NBAS: variants seen among roughly 807,000 people sequenced by gnomAD.
The protein encoded by NBAS is NBAS subunit of NRZ tethering complex, also known as NAG/BC035112 fusion.
In NBAS, 219 loss-of-function variants were observed where a neutral mutation model predicts 302.5. The ratio of observed to expected loss-of-function variants is 0.72; its 90% confidence interval spans 0.65 to 0.81. The LOEUF (loss-of-function observed/expected upper bound fraction) is 0.81. Among genes scored for constraint, NBAS ranks in the 30% least tolerant of loss-of-function variants. The pLI is 0.00. For synonymous variants in NBAS, 1,118 were observed against 1,021.6 expected, an observed-to-expected ratio of 1.09 and a Z score of -1.80; for missense variants, 2,932 against 2,841.6, an observed-to-expected ratio of 1.03 and a Z score of -0.72.
intron 51 of NBAS, among the ~76,000 whole-genome samples, chr2:15,168,221 G>C (rs1302641249): frequency 6.6e-6 from 1 of 152,154 alleles, no homozygotes; most frequent in Non-Finnish European, 1.5e-5. Context: ...AATTTGGATT[G>C]TAGGACTCTC....
intron 6 of NBAS, among the ~76,000 whole-genome samples, chr2:15,541,756 G>A (rs567753562): frequency 1.3e-5 from 2 of 149,672 alleles, no homozygotes; most frequent in Non-Finnish European, 3.0e-5. Context: ...GAGGGAGGTG[G>A]GGGGGTCAGC....
chr2:14,835,038 G>C, the NBAS span, among the ~76,000 whole-genome samples: 2 of 152,018 alleles, frequency 1.3e-5, no homozygotes, highest in Non-Finnish European at 2.9e-5. Context: ...ATCAATAGAA[G>C]TTTATTAAAC....
chr2:14,794,613 A>G, the NBAS span, among the ~76,000 whole-genome samples: 1 of 152,316 alleles, frequency 6.6e-6, no homozygotes, highest in Non-Finnish European at 1.5e-5. Flanking sequence ...GGTAAAGTTT[A>G]CATATAATAA....
At chr2:15,145,372 A>G in the NBAS span, among the ~76,000 whole-genome samples, 1,267 of 150,206 alleles carry the variant, frequency 8.4e-3, 23 homozygotes, top group African/African-American at 0.029. Flanking sequence ...TTACAGCAAA[A>G]ATGCATTGAG....
intron 25 of NBAS, among the ~76,000 whole-genome samples, chr2:15,412,958 C>T (rs1188885874): frequency 6.6e-6 from 1 of 152,212 alleles, no homozygotes; most frequent in Non-Finnish European, 1.5e-5. Context: ...ACCGTAACTC[C>T]AAGATTACAA....
the NBAS span, among the ~76,000 whole-genome samples, chr2:15,091,931 G>T: frequency 5.3e-5 from 8 of 152,214 alleles, no homozygotes; most frequent in Non-Finnish European, 1.2e-4. Flanking sequence ...CGTGTTAAAA[G>T]ACTGCTTATG....
rs570995681 is a variant in NBAS, at chr2:15,235,137, C to A, written c.5944-390G>T. On this transcript the variant is annotated intron_variant, in intron 45 of 51. Coordinates refer to ENST00000281513, the MANE Select transcript of NBAS (RefSeq NM_015909.4). ...CTTTTCTATTATTACTAACGCACTACGACCACATAATAATCTATTGAGCTA... is the reference window on the plus strand; with the variant it reads ...CTTTTCTATTATTACTAACGCACTAAGACCACATAATAATCTATTGAGCTA... Among the ~76,000 whole-genome samples the A allele has an allele frequency of 2.1e-4, 32 of 152,240 alleles. No homozygotes were observed. The Middle Eastern group carries it at 0.01, about 49-fold the overall frequency.
chr2:15,232,094 A>G (rs1667405012), intron 47 of NBAS, among the ~76,000 whole-genome samples: 1 of 152,142 alleles, frequency 6.6e-6, no homozygotes, highest in African/African-American at 2.4e-5. Flanking sequence ...CACTTAATCA[A>G]TACAGTTAAT....
intron 12 of NBAS, 22 bp from the exon 13 acceptor site, chr2:15,478,311 T>C: frequency 6.4e-7 from 1 of 1,566,794 alleles, no homozygotes; most frequent in African/African-American, 1.4e-5. Context: ...AATAATGACT[T>C]CCTGAGTGAA....
intron 11 of NBAS, among the ~76,000 whole-genome samples, chr2:15,500,890 C>T (rs1180865603): frequency 6.6e-6 from 1 of 150,676 alleles, no homozygotes; most frequent in Non-Finnish European, 1.5e-5. Flanking sequence ...CGCCACTGCA[C>T]TCCAGCCTGG....
chr2:15,010,204 A>T, the NBAS span, among the ~76,000 whole-genome samples: 3 of 152,312 alleles, frequency 2.0e-5, no homozygotes, highest in Admixed American at 6.5e-5. Flanking sequence ...TTGTCTTCTA[A>T]CACTAATTAG....
the NBAS span, among the ~76,000 whole-genome samples, chr2:14,976,383 G>A: frequency 1.2e-4 from 18 of 152,164 alleles, no homozygotes; most frequent in Non-Finnish European, 2.1e-4. Flanking sequence ...GTACGTCTTC[G>A]TCTATTAAGT....
At chr2:15,550,584 G>T (rs1573004098) in intron 6 of NBAS, among the ~76,000 whole-genome samples, 1 of 132,888 alleles carries the variant, frequency 7.5e-6, no homozygotes. Context: ...CCTTCTTTCT[G>T]TCTTTTCTTT....
At position 15,238,952 on chromosome 2, in the gene NBAS, G is replaced by A. The variant is rs1667733042; in HGVS notation, c.5725-266C>T. 3.3e-5 allele frequency among the ~76,000 whole-genome samples: 5 copies of A among 152,192 alleles called. No homozygotes were observed. The South Asian group carries it at 1.0e-3, about 32-fold the overall frequency. ...AAACTAGTATTCACACTGACTGCCA[G>A]TTACAGTGCAAAAATGAGGAGTCAT... is the stretch of plus-strand genomic sequence containing the variant. On this transcript the variant is annotated intron_variant, in intron 44 of 51. Coordinates refer to ENST00000281513, the MANE Select transcript of NBAS (RefSeq NM_015909.4).
At chr2:15,144,965 T>C in the NBAS span, among the ~76,000 whole-genome samples, 1 of 151,348 alleles carries the variant, frequency 6.6e-6, no homozygotes, top group Non-Finnish European at 1.5e-5. Flanking sequence ...TAGAGGCTAC[T>C]AGAACTACTA....
the NBAS span, among the ~76,000 whole-genome samples, chr2:15,097,702 G>A: frequency 2.0e-5 from 3 of 151,072 alleles, no homozygotes; most frequent in Admixed American, 1.3e-4. Context: ...AGGGCTCCAG[G>A]CTCATGGCCT....
chr2:14,804,842 A>C, the NBAS span, among the ~76,000 whole-genome samples: 8 of 152,340 alleles, frequency 5.3e-5, no homozygotes, highest in African/African-American at 1.7e-4. Context: ...TGGAAAGGTT[A>C]GATAGTTAGA....
chr2:14,997,531 A>G, the NBAS span, among the ~76,000 whole-genome samples: 1 of 151,998 alleles, frequency 6.6e-6, no homozygotes, highest in Non-Finnish European at 1.5e-5. Flanking sequence ...AAGATGTACA[A>G]CATGGTGATT....
chr2:15,174,055 G>T (rs1433822692), intron 51 of NBAS, among the ~76,000 whole-genome samples: 1 of 152,184 alleles, frequency 6.6e-6, no homozygotes, highest in East Asian at 1.9e-4. Context: ...AGGCTGACCT[G>T]CAGAGTGAGC....
Sources: gnomAD v4.1 joint callset for allele counts (sites outside exome capture counted in the v4.1 genomes callset) on GRCh38, gnomAD v4.1.1 for gene constraint, MANE v1.5 for transcripts, NCBI Gene and HGNC (gene_info 2026-07-23, HGNC 2026-07-21) for gene names.